WRN: variants seen among roughly 807,000 people sequenced by gnomAD.
The protein encoded by WRN is WRN RecQ like helicase.
WRN carries 149 observed loss-of-function variants against 180.7 expected under a neutral mutation model. The observed-to-expected ratio is 0.82, with a 90% CI of 0.72 to 0.94. The LOEUF is 0.94. WRN is among the 40% of genes least tolerant of loss of function. WRN has a pLI of 0.00. For synonymous variants in WRN, 548 were observed against 568.9 expected, an observed-to-expected ratio of 0.96 and a Z score of 0.52; for missense variants, 1,661 against 1,700.1, an observed-to-expected ratio of 0.98 and a Z score of 0.40.
intron 20 of WRN, among the ~76,000 whole-genome samples, chr8:31,118,601 T>C (rs1012748229): frequency 2.6e-5 from 4 of 152,048 alleles, no homozygotes; most frequent in Admixed American, 1.3e-4. Flanking sequence ...TTACAGTTGT[T>C]ATATACCTTA....
At chr8:31,151,843 AAAC>A (rs1433930961) in intron 31 of WRN, among the ~76,000 whole-genome samples, 1 of 152,172 alleles carries the variant, frequency 6.6e-6, no homozygotes, top group African/African-American at 2.4e-5. Context: ...ATTTAAAAAA[AAAC>A]AACTTTAATG....
intron 20 of WRN, among the ~76,000 whole-genome samples, chr8:31,117,587 C>T (rs1801570308): frequency 6.6e-6 from 1 of 152,098 alleles, no homozygotes; most frequent in South Asian, 2.1e-4. Flanking sequence ...ACATGAAATC[C>T]ACACTGTAAC....
chr8:31,043,325 A>T (rs185960242), intron 1 of WRN, among the ~76,000 whole-genome samples: 36 of 152,296 alleles, frequency 2.4e-4, no homozygotes, highest in African/African-American at 7.9e-4. Flanking sequence ...TGGAGGCTAG[A>T]GAACTGAGAC....
intron 12 of WRN, 24 bp from the exon 13 acceptor site, chr8:31,088,866 A>G: frequency 6.3e-7 from 1 of 1,592,972 alleles, no homozygotes; most frequent in African/African-American, 1.3e-5. Context: ...TTGAACATAA[A>G]TGCACATTTT....
At chr8:31,151,471 T>C (rs1292401563) in intron 31 of WRN, among the ~76,000 whole-genome samples, 1 of 152,220 alleles carries the variant, frequency 6.6e-6, no homozygotes, top group Non-Finnish European at 1.5e-5. Context: ...ATTTTCTTTT[T>C]CATACTCTTA....
chr8:31,166,815 C>CTTGGAGGCAGGG (rs1803889637), intron 33 of WRN, among the ~76,000 whole-genome samples: 1 of 152,096 alleles, frequency 6.6e-6, no homozygotes, highest in African/African-American at 2.4e-5. Context: ...GACTTTGGAT[C>CTTGGAGGCAGGG]TTGGAGGCAG....
Position 31,076,174 on chromosome 8 carries a change from G to A in WRN, c.726G>A (p.Glu242=), listed in dbSNP as rs1813086258. The A allele has an allele frequency of 5.0e-6, 8 of 1,612,706 alleles. No individual in the cohort carries two copies. Among genetic ancestry groups the A allele is most frequent in the Non-Finnish European group, 6.8e-6 (8 of 1,178,926 alleles). The change falls in exon 8 of 35, where the codon GAG becomes GAA. Residue 242 remains glutamate, a splice_region_variant and synonymous_variant. Coordinates refer to ENST00000298139, the MANE Select transcript of WRN (RefSeq NM_000553.6). ...AATATTGATTTTTTTTCCCCCTAGA[G>A]GAAGAAATCCTACTTAGCGACATGA... The part of the protein sequence containing the change: ...DTVQRFAINK[E]EEILLSDMNK...
At chr8:31,133,489 C>T (rs1802264903) in intron 24 of WRN, among the ~76,000 whole-genome samples, 1 of 151,540 alleles carries the variant, frequency 6.6e-6, no homozygotes, top group Admixed American at 6.6e-5. Flanking sequence ...TGTGCCACTG[C>T]ACTCCAGCCT....
chr8:31,084,085 A>ACCTCCTGGGCTCAAGTGAT (rs1298496599), intron 10 of WRN, among the ~76,000 whole-genome samples: 2 of 151,914 alleles, frequency 1.3e-5, no homozygotes, highest in Non-Finnish European at 2.9e-5. Flanking sequence ...TGCAACCTTC[A>ACCTCCTGGGCTCAAGTGAT]CCTCCTGGGC....
At chr8:31,111,536 C>A in intron 18 of WRN, 79 bp from the exon 19 acceptor site, 3 of 1,538,518 alleles carry the variant, frequency 1.9e-6, no homozygotes, top group Non-Finnish European at 9.0e-7. Context: ...TCCTACCAGT[C>A]TCTTTGTAAG....
chr8:31,099,569 GTT>G (rs555227491), intron 17 of WRN, among the ~76,000 whole-genome samples: 3 of 137,236 alleles, frequency 2.2e-5, no homozygotes, highest in Admixed American at 7.2e-5. Context: ...TTGTTTGTTT[GTT>G]TTTTTTTTTT....
chr8:31,172,872 AT>A (rs1804153836), intron 34 of WRN, 122 bp from the exon 35 acceptor site: 2 of 760,762 alleles, frequency 2.6e-6, no homozygotes, highest in African/African-American at 3.5e-5. Flanking sequence ...AGATACCACT[AT>A]TTTGTTTGGA....
chr8:31,098,213 A>G (rs1008861796), intron 17 of WRN, among the ~76,000 whole-genome samples: 4 of 152,126 alleles, frequency 2.6e-5, no homozygotes, highest in South Asian at 4.1e-4. Flanking sequence ...ATGTTTCCTA[A>G]TAGGTTGTAT....
chr8:31,125,018 T>C lies in WRN; in HGVS notation c.2825+18T>C, dbSNP rs1801864149. On this transcript the variant is annotated intron_variant, in intron 23 of 34. Transcript: ENST00000298139. ...AGGTCCAGGTAAAGATTTCTTATTATAGATGGACATTCTAAAAGTCTTTCT... is the reference window on the plus strand; with the variant it reads ...AGGTCCAGGTAAAGATTTCTTATTACAGATGGACATTCTAAAAGTCTTTCT... 1 of 1,598,588 alleles carries C rather than the reference T, an allele frequency of 6.3e-7. No individual in the cohort carries two copies. The highest frequency in any genetic ancestry group is 8.6e-7 in the Non-Finnish European group (1 of 1,166,882).
In WRN at chr8:31,124,612, A is replaced by C; in HGVS notation, c.2721A>C (p.Arg907Ser). The C allele has an allele frequency of 6.2e-7, 1 of 1,609,748 alleles. No individual in the cohort carries two copies. The highest frequency in any genetic ancestry group is 8.5e-7 in the Non-Finnish European group (1 of 1,176,350). Residue 907 changes from arginine to serine, a missense_variant, in exon 22 of 35, where the codon AGA becomes AGC. Physicochemically the swap from Arg to Ser is moderately radical, Grantham distance 110. This residue lies in a region of WRN where 1,141 missense variants were observed against 1,149.4 expected (regional missense o/e 0.99). Transcript: ENST00000298139. ...TGGAAAAATATCTTCATTCTAGCAG[A>C]TGTAGGAGACAGTATGTATTATTTA... is the stretch of plus-strand genomic sequence containing the variant. ...AKMEKYLHSS[R>S]CRRQIILSHF...
At chr8:31,101,621 T>A (rs1800861677) in intron 18 of WRN, among the ~76,000 whole-genome samples, 1 of 151,734 alleles carries the variant, frequency 6.6e-6, no homozygotes, top group African/African-American at 2.4e-5. Flanking sequence ...ACCCTGTCTC[T>A]ACTAAAAATA....
chr8:31,156,135 A>G (rs1014344239), intron 32 of WRN, among the ~76,000 whole-genome samples: 6 of 152,212 alleles, frequency 3.9e-5, no homozygotes, highest in Non-Finnish European at 7.3e-5. Flanking sequence ...TAATTTGACC[A>G]TGTATGTATA....
chr8:31,123,893 TA>T (rs1801819773), intron 21 of WRN, among the ~76,000 whole-genome samples: 1 of 152,130 alleles, frequency 6.6e-6, no homozygotes, highest in African/African-American at 2.4e-5. Context: ...AACACCTCCT[TA>T]ATGTTATTTA....
At chr8:31,041,180 T>TA (rs1218371902) in intron 1 of WRN, among the ~76,000 whole-genome samples, 2 of 152,146 alleles carry the variant, frequency 1.3e-5, no homozygotes, top group African/African-American at 4.8e-5. Flanking sequence ...CCAGGAGACA[T>TA]ACCCACGGGA....
Sources: allele counts gnomAD v4.1 joint callset (sites outside exome capture counted in the v4.1 genomes callset), GRCh38; gene constraint gnomAD v4.1.1; regional missense constraint gnomAD v4.1.1; transcripts MANE v1.5; gene names NCBI Gene and HGNC (gene_info 2026-07-23, HGNC 2026-07-21).